Variants in LMAN1 observed in about 807,000 individuals in gnomAD.
LMAN1 encodes protein ERGIC-53.
LMAN1 carries 32 observed loss-of-function variants against 67.8 expected under a neutral mutation model. That is an observed-to-expected ratio of 0.47 (90% CI 0.36 to 0.63). The LOEUF is 0.63. LMAN1 is among the 30% of genes least tolerant of loss of function. LMAN1 has a pLI of 0.00. For synonymous variants in LMAN1, 235 were observed against 219.3 expected (o/e 1.07, Z -0.63); for missense variants, 632 against 628.2 (o/e 1.01, Z -0.06).
chr18:59,355,708 C>A lies in LMAN1; in HGVS notation c.215-50G>T, dbSNP rs746482658. The A allele has an allele frequency of 1.9e-6, 3 of 1,585,258 alleles. No individual in the cohort carries two copies. The African/African-American group carries it at 4.0e-5, about 21-fold the overall frequency. ...AGCTTTAAGTTATAATTAGGTAAAA[C>A]TCAATGATCATTTCCAAACTGCTAA... On this transcript the variant is annotated intron_variant, in intron 1 of 12. Transcript: ENST00000251047.
At chr18:59,347,926 T>C (rs1048913934) in intron 6 of LMAN1, among the ~76,000 whole-genome samples, 6 of 152,376 alleles carry the variant, frequency 3.9e-5, no homozygotes, top group African/African-American at 1.4e-4. Flanking sequence ...AGATCCTCCA[T>C]GGTTTCCCAC....
intron 4 of LMAN1, 80 bp from the exon 5 acceptor site, chr18:59,353,381 C>A: frequency 9.7e-7 from 1 of 1,030,518 alleles, no homozygotes; most frequent in Non-Finnish European, 1.5e-6. Context: ...AAAATAATAT[C>A]AAGTTATGAA....
At chr18:59,351,458 G>C (rs1337245628) in intron 5 of LMAN1, 1 of 152,130 alleles carries the variant, frequency 6.6e-6, no homozygotes, top group African/African-American at 2.4e-5. Context: ...TAGCAGTCAC[G>C]TGTCCAGCCA....
Position 59,328,631 on chromosome 18 carries a change from A to T in LMAN1, c.*2462T>A, listed in dbSNP as rs2070728014. ...ACATTGGTGTGCTCAGAATCTCCTG[A>T]GGTGCCTATTGAACAATGACATCCC... On this transcript the variant is annotated 3_prime_UTR_variant, in exon 13 of 13. Transcript: ENST00000251047. 6.6e-6 allele frequency: 1 copy of T among 152,018 alleles called. No individual in the cohort carries two copies. The highest frequency in any genetic ancestry group is 1.9e-4 in the East Asian group (1 of 5,178). The allele number at this position is 152,018 out of a possible 1,614,324, so 9.4% of individuals were successfully genotyped here. A position where few individuals can be genotyped will look rare whatever the true frequency, so the allele number is the denominator to read the frequency against.
chr18:59,333,631 C>T (rs1289151997), intron 10 of LMAN1: 1 of 208,176 alleles, frequency 4.8e-6, no homozygotes, highest in African/African-American at 2.4e-5. Flanking sequence ...GGCACACTCA[C>T]ACACACACAG....
rs141640018 is a variant in LMAN1 at position 59,333,145 on chromosome 18, T to G, written c.1320A>C (p.Lys440Asn). The G allele has an allele frequency of 4.7e-5, 76 of 1,613,680 alleles. No homozygotes were observed. The highest frequency in any genetic ancestry group is 6.0e-5 in the Non-Finnish European group (71 of 1,179,782). ...CCCTCTTTACTATGTGCAGGTGCTC[T>G]TTGATGTCAATGAAGTGCTGTGTTG... ...YETTQHFIDI[K>N]EHLHIVKRDI... is the part of the protein sequence containing the mutation. The change falls in exon 11 of 13, where the codon AAA becomes AAC. Residue 440 changes from lysine (K) to asparagine (N), a missense_variant. By Grantham distance (94) the Lys-to-Asn change is moderately conservative. Coordinates refer to ENST00000251047, the MANE Select transcript of LMAN1 (RefSeq NM_005570.4).
chr18:59,347,970 G>A (rs7238741), intron 6 of LMAN1, among the ~76,000 whole-genome samples: 1 of 152,210 alleles, frequency 6.6e-6, no homozygotes, highest in African/African-American at 2.4e-5. Context: ...CCAGACAAAT[G>A]AGAGAAAATC....
chr18:59,352,895 G>C (rs1202463031), intron 5 of LMAN1: 1 of 361,012 alleles, frequency 2.8e-6, no homozygotes, highest in African/African-American at 2.1e-5. Flanking sequence ...TGAAGGCTTG[G>C]AGATTATCCG....
At chr18:59,348,986 G>A (rs1355385923) in intron 6 of LMAN1, 127 bp downstream of exon 6, 1 of 1,082,602 alleles carries the variant, frequency 9.2e-7, no homozygotes, top group African/African-American at 1.6e-5. Flanking sequence ...TGGCACAAGA[G>A]GTGATGGGAA....
intron 4 of LMAN1, among the ~76,000 whole-genome samples, chr18:59,354,110 T>TA (rs1908606119): frequency 6.6e-6 from 1 of 152,178 alleles, no homozygotes. Flanking sequence ...AGTCTTTAAA[T>TA]AACACAATAT....
In LMAN1 at chr18:59,330,816, C is replaced by T; in HGVS notation, c.*277G>A. On this transcript the variant is annotated 3_prime_UTR_variant, in exon 13 of 13. Coordinates refer to ENST00000251047, the MANE Select transcript of LMAN1 (RefSeq NM_005570.4). The stretch of plus-strand genomic sequence containing the variant: ...AACATTCATATCCAGGGGTTGCCCC[C>T]ACTTTATTTACCCTCTTACTGGTCA... The T allele has an allele frequency of 2.4e-6, 1 of 410,840 alleles. No homozygotes were observed. 25.4% of individuals were successfully genotyped at this position (410,840 alleles called of 1,614,324 possible).
intron 8 of LMAN1, among the ~76,000 whole-genome samples, chr18:59,344,978 C>T (rs926340146): frequency 9.9e-5 from 15 of 152,018 alleles, no homozygotes; most frequent in South Asian, 2.1e-4. Context: ...AAAAATGTTC[C>T]GTGTACTGAT....
chr18:59,347,429 T>C, intron 7 of LMAN1, 84 bp downstream of exon 7: 1 of 821,184 alleles, frequency 1.2e-6, no homozygotes, highest in Non-Finnish European at 1.9e-6. Flanking sequence ...AGAAACAAGA[T>C]CCAAACCTAA....
Position 59,359,175 on chromosome 18 carries a change from G to C in LMAN1, c.70C>G (p.Leu24Val), listed in dbSNP as rs771151658. 5.0e-6 allele frequency: 8 copies of C among 1,613,972 alleles called. No homozygotes were observed. Among genetic ancestry groups the C allele is most frequent in the Non-Finnish European group, 6.8e-6 (8 of 1,179,976 alleles). Reference protein sequence around the residue: ...RPLFCALLLSLGRFVRGDGVG... With the variant: ...RPLFCALLLSVGRFVRGDGVG... ...CCGTCGCCCCGGACGAAGCGACCGA[G>C]TGACAGCAGCAAGGCGCAGAACAGC... is the stretch of plus-strand genomic sequence containing the variant. The change falls in exon 1 of 13, where the codon CTC becomes GTC. Residue 24 changes from leucine to valine, a missense_variant. Leu to Val is a conservative substitution (Grantham distance 32). Coordinates refer to ENST00000251047, the MANE Select transcript of LMAN1 (RefSeq NM_005570.4).
At chr18:59,358,380 C>A (rs12954637) in intron 1 of LMAN1, among the ~76,000 whole-genome samples, 2 of 152,034 alleles carry the variant, frequency 1.3e-5, no homozygotes, top group African/African-American at 4.8e-5. Context: ...TGTGTTACTA[C>A]GAGAGAAAAG....
intron 6 of LMAN1, among the ~76,000 whole-genome samples, chr18:59,348,626 A>G (rs1908473813): frequency 1.3e-5 from 2 of 152,366 alleles, no homozygotes; most frequent in South Asian, 4.1e-4. Flanking sequence ...GTGGAAAAAA[A>G]TGGTAACTAT....
At position 59,330,933 on chromosome 18, in the gene LMAN1, C is replaced by T. The variant is rs981895015; in HGVS notation, c.*160G>A. ...TGTGAACAAATTAAAATGTGGTTGT[C>T]TTTGCTTTAAGGTTTATTCTTAACT... On this transcript the variant is annotated 3_prime_UTR_variant, in exon 13 of 13. Transcript: ENST00000251047. 82 of 625,774 alleles carry T rather than the reference C, an allele frequency of 1.3e-4. No homozygotes were observed. Among genetic ancestry groups the T allele is most frequent in the Non-Finnish European group, 1.8e-4 (62 of 351,158 alleles). The allele number at this position is 625,774 out of a possible 1,614,324, so 38.8% of individuals were successfully genotyped here. A position where few individuals can be genotyped will look rare whatever the true frequency, so the allele number is the denominator to read the frequency against.
chr18:59,348,243 G>A (rs748226290), intron 6 of LMAN1, among the ~76,000 whole-genome samples: 16 of 152,176 alleles, frequency 1.1e-4, no homozygotes, highest in Non-Finnish European at 1.9e-4. Context: ...AATATCAATC[G>A]TACAGCAATC....
In LMAN1 at chr18:59,355,677, G is replaced by GA. The variant is rs1488337605; in HGVS notation, c.215-20dup. The GA allele has an allele frequency of 1.2e-6, 2 of 1,611,278 alleles. No homozygotes were observed. Among genetic ancestry groups the GA allele is most frequent in the Non-Finnish European group, 8.5e-7 (1 of 1,179,560 alleles). Reference sequence around the variant, plus strand: ...ATAGCATCTAGAACAGAAATCAGGGGAAAAAAGCTTTAAGTTATAATTAGG... The same window carrying GA: ...ATAGCATCTAGAACAGAAATCAGGGGAAAAAAAGCTTTAAGTTATAATTAGG... On this transcript the variant is annotated intron_variant, in intron 1 of 12. Coordinates refer to ENST00000251047, the MANE Select transcript of LMAN1 (RefSeq NM_005570.4).
Sources: allele counts gnomAD v4.1 joint callset (sites outside exome capture counted in the v4.1 genomes callset), GRCh38; gene constraint gnomAD v4.1.1; transcripts MANE v1.5; gene names NCBI Gene and HGNC (gene_info 2026-07-23, HGNC 2026-07-21).